The following SIPA1L1 variants were observed in gnomAD, a reference collection of about 807,000 sequenced individuals.
SIPA1L1 encodes signal induced proliferation associated 1 like 1.
A neutral mutation model predicts 162.7 loss-of-function variants in SIPA1L1; 26 were observed. That is an observed-to-expected ratio of 0.16 (90% CI 0.12 to 0.22). The LOEUF (loss-of-function observed/expected upper bound fraction) is 0.22, where lower values mean the gene tolerates loss of function less well. Among genes scored for constraint, SIPA1L1 ranks in the 10% least tolerant of loss-of-function variants. The pLI, the probability that SIPA1L1 is intolerant of heterozygous loss-of-function variation, is 1.00. For missense variants in SIPA1L1, 1,874 were observed against 2,241.0 expected, an observed-to-expected ratio of 0.84 and a Z score of 3.31; for synonymous variants, 829 against 837.4, an observed-to-expected ratio of 0.99 and a Z score of 0.17.
intron 19 of SIPA1L1, among the ~76,000 whole-genome samples, chr14:71,725,225 G>A (rs1273321635): frequency 6.6e-6 from 1 of 152,166 alleles, no homozygotes; most frequent in Non-Finnish European, 1.5e-5. Context: ...TGTCCAGAGG[G>A]TCCTCGTCTT....
At chr14:71,363,158 A>T (rs975885679) in intron 2 of SIPA1L1, among the ~76,000 whole-genome samples, 37 of 152,364 alleles carry the variant, frequency 2.4e-4, no homozygotes, top group Non-Finnish European at 4.0e-4. Flanking sequence ...AGCTGTCATC[A>T]GTCAATCTGT....
In SIPA1L1 at chr14:71,730,296, T is replaced by A; in HGVS notation, c.4856T>A (p.Leu1619Gln). The change falls in exon 20 of 24, where the codon CTG becomes CAG. Residue 1619 changes from leucine (L) to glutamine (Q), a missense_variant. This residue lies in a region of SIPA1L1 where 936 missense variants were observed against 1,051.9 expected (regional missense o/e 0.89). Coordinates refer to ENST00000381232, the MANE Select transcript of SIPA1L1 (RefSeq NM_001386936.1). ...TCTTACACCTTAGGAATGAAATCGC[T>A]GCATGGTAAGTGGTCTTTCAGCTGC... ...RPSYTLGMKS[L>Q]HGEFSASDSS... 1 of 1,614,050 alleles carries A rather than the reference T, an allele frequency of 6.2e-7. No homozygotes were observed. The highest frequency in any genetic ancestry group is 1.3e-5 in the African/African-American group (1 of 75,042).
At chr14:71,718,522 C>T (rs1447336340) in intron 17 of SIPA1L1, among the ~76,000 whole-genome samples, 1 of 152,146 alleles carries the variant, frequency 6.6e-6, no homozygotes, top group Non-Finnish European at 1.5e-5. Context: ...TGGCAGTGAG[C>T]ACTTGTAGTC....
chr14:71,478,969 A>C (rs1013853533), intron 2 of SIPA1L1, among the ~76,000 whole-genome samples: 1 of 151,872 alleles, frequency 6.6e-6, no homozygotes, highest in Non-Finnish European at 1.5e-5. Flanking sequence ...GAAAAAAAAA[A>C]GGAAAGAAAA....
At chr14:71,358,165 A>G (rs114109886) in intron 2 of SIPA1L1, among the ~76,000 whole-genome samples, 1,652 of 152,304 alleles carry the variant, frequency 0.011, 27 homozygotes, top group African/African-American at 0.037. Context: ...CCCGGCCAAC[A>G]CTGGTGCTCT....
chr14:71,380,544 C>T (rs746063560), intron 2 of SIPA1L1, among the ~76,000 whole-genome samples: 23 of 152,162 alleles, frequency 1.5e-4, no homozygotes, highest in Non-Finnish European at 3.1e-4. Context: ...CTGCCTTTGG[C>T]CTCTGGACAA....
At chr14:71,618,691 C>A in intron 5 of SIPA1L1, 66 bp from the exon 6 acceptor site, 1 of 1,435,844 alleles carries the variant, frequency 7.0e-7, no homozygotes, top group Non-Finnish European at 9.6e-7. Context: ...AAATACTGAG[C>A]AGAATGTAAC....
chr14:71,350,907 G>C (rs775923077), intron 2 of SIPA1L1, among the ~76,000 whole-genome samples: 1 of 152,190 alleles, frequency 6.6e-6, no homozygotes, highest in Non-Finnish European at 1.5e-5. Context: ...GTAGCTTGTT[G>C]AATAGTAGAT....
At chr14:71,370,336 C>A (rs1419017054) in intron 2 of SIPA1L1, among the ~76,000 whole-genome samples, 1 of 151,968 alleles carries the variant, frequency 6.6e-6, no homozygotes, top group African/African-American at 2.4e-5. Flanking sequence ...AAATACGTCC[C>A]ATCAATACCT....
At position 71,578,102 on chromosome 14, in the gene SIPA1L1, G is replaced by A. The variant is rs2033379821; in HGVS notation, c.-302-9469G>A. On this transcript the variant is annotated intron_variant, in intron 4 of 23. Coordinates refer to ENST00000381232, the MANE Select transcript of SIPA1L1 (RefSeq NM_001386936.1). ...ATTTTTGTAGTTTTAGTAGAGACGGGGTTTCACCATGTGGGCCAGGCTGAT... is the reference window on the plus strand; with the variant it reads ...ATTTTTGTAGTTTTAGTAGAGACGGAGTTTCACCATGTGGGCCAGGCTGAT... 2.0e-5 allele frequency among the ~76,000 whole-genome samples: 3 copies of A among 152,096 alleles called. No individual in the cohort carries two copies. In the South Asian group the frequency reaches 6.2e-4, roughly 32 times the overall value.
chr14:71,427,034 A>T (rs1460191484), intron 2 of SIPA1L1, among the ~76,000 whole-genome samples: 1 of 152,208 alleles, frequency 6.6e-6, no homozygotes, highest in African/African-American at 2.4e-5. Context: ...TAGTCTCTTA[A>T]ATCACAGAGC....
At chr14:71,364,942 C>T (rs941785759) in intron 2 of SIPA1L1, among the ~76,000 whole-genome samples, 7 of 152,072 alleles carry the variant, frequency 4.6e-5, no homozygotes, top group African/African-American at 7.3e-5. Context: ...GGATGGGTTT[C>T]ACCCATGTTG....
At chr14:71,412,796 T>C (rs2042498398) in intron 2 of SIPA1L1, among the ~76,000 whole-genome samples, 1 of 152,240 alleles carries the variant, frequency 6.6e-6, no homozygotes, top group Non-Finnish European at 1.5e-5. Flanking sequence ...AAATTATTTA[T>C]TGGAAGCTCT....
intron 17 of SIPA1L1, 122 bp from the exon 18 acceptor site, chr14:71,723,525 G>A (rs1368484665): frequency 9.0e-7 from 1 of 1,105,858 alleles, no homozygotes; most frequent in African/African-American, 1.6e-5. Flanking sequence ...AGGCATCGCT[G>A]TTAATAGTTC....
chr14:71,464,882 C>T (rs746421203), intron 2 of SIPA1L1, among the ~76,000 whole-genome samples: 19 of 152,090 alleles, frequency 1.2e-4, no homozygotes, highest in Non-Finnish European at 1.9e-4. Flanking sequence ...TCTAGGGGCC[C>T]GCCGGGACTT....
intron 5 of SIPA1L1, among the ~76,000 whole-genome samples, chr14:71,602,093 C>T (rs1202467660): frequency 6.6e-6 from 1 of 151,508 alleles, no homozygotes; most frequent in Non-Finnish European, 1.5e-5. Context: ...TTATTTCTTT[C>T]CTTCTACTAA....
intron 10 of SIPA1L1, among the ~76,000 whole-genome samples, chr14:71,662,233 GT>G (rs2043591100): frequency 6.6e-6 from 1 of 152,164 alleles, no homozygotes; most frequent in African/African-American, 2.4e-5. Context: ...CACATTGACA[GT>G]TTGTGAGATC....
At chr14:71,679,741 T>C (rs2045601950) in intron 12 of SIPA1L1, among the ~76,000 whole-genome samples, 2 of 152,114 alleles carry the variant, frequency 1.3e-5, no homozygotes, top group African/African-American at 2.4e-5. Flanking sequence ...GAGGAAGATC[T>C]ACCAAGCAAA....
At chr14:71,670,536 A>C (rs1029112822) in intron 10 of SIPA1L1, among the ~76,000 whole-genome samples, 1 of 152,244 alleles carries the variant, frequency 6.6e-6, no homozygotes, top group African/African-American at 2.4e-5. Flanking sequence ...TTTTCATTTT[A>C]AAATTATGCT....
Sources: gnomAD v4.1 joint callset for allele counts (sites outside exome capture counted in the v4.1 genomes callset) on GRCh38, gnomAD v4.1.1 for gene constraint, gnomAD v4.1.1 regional missense constraint, MANE v1.5 for transcripts, NCBI Gene and HGNC (gene_info 2026-07-23, HGNC 2026-07-21) for gene names.